Variants in ZNF845 observed in about 807,000 individuals in gnomAD.
ZNF845 encodes the protein zinc finger protein 845.
Under a neutral mutation model 76.1 loss-of-function variants are expected in ZNF845, and 59 were observed. The ratio of observed to expected loss-of-function variants is 0.78; its 90% CI spans 0.63 to 0.96. ZNF845 has a LOEUF of 0.96. ZNF845 is among the 40% of genes least tolerant of loss of function. The pLI, the probability that ZNF845 is intolerant of heterozygous loss-of-function variation, is 0.00. For synonymous variants in ZNF845, 361 were observed against 386.9 expected (o/e 0.93, Z 0.78); for missense variants, 1,045 against 1,172.8 (o/e 0.89, Z 1.59).
chr19:53,335,589 GT>G (rs1347206913), intron 1 of ZNF845, among the ~76,000 whole-genome samples: 1 of 149,758 alleles, frequency 6.7e-6, no homozygotes, highest in Non-Finnish European at 1.5e-5. Flanking sequence ...GTCGTTTTTT[GT>G]TTTTTGTTTT....
At chr19:53,346,901 T>TTTAG (rs1277640591) in intron 3 of ZNF845, among the ~76,000 whole-genome samples, 2 of 151,918 alleles carry the variant, frequency 1.3e-5, no homozygotes, top group Non-Finnish European at 2.9e-5. Context: ...TATTTATTTA[T>TTTAG]TTGACGAAGT....
At chr19:53,346,668 G>C (rs1449812589) in intron 3 of ZNF845, among the ~76,000 whole-genome samples, 1 of 152,136 alleles carries the variant, frequency 6.6e-6, no homozygotes, top group African/African-American at 2.4e-5. Context: ...GAGACAGAGC[G>C]ACACTCTGTC....
At chr19:53,345,734 G>T (rs528655933) in intron 3 of ZNF845, 102 bp downstream of exon 3, 2 of 1,562,202 alleles carry the variant, frequency 1.3e-6, no homozygotes, top group East Asian at 2.2e-5. Flanking sequence ...CCAGGGTGGA[G>T]TGAAATGGTG....
Position 53,351,665 on chromosome 19 carries a change from T to C in ZNF845, c.990T>C (p.Asn330=), listed in dbSNP as rs1252770645. ...IHTGEKSYKC[N]ECGKTFSQTS... ...CTGGAGAGAAATCTTACAAGTGTAA[T>C]GAATGTGGCAAGACCTTCAGTCAAA... The change falls in exon 4 of 4, where the codon AAT becomes AAC. Residue 330 remains asparagine, a synonymous_variant. Transcript: ENST00000458035. 6.2e-7 allele frequency: 1 copy of C among 1,613,932 alleles called. No individual in the cohort carries two copies. Among genetic ancestry groups the C allele is most frequent in the Non-Finnish European group, 8.5e-7 (1 of 1,179,850 alleles).
At position 53,355,991 on chromosome 19, in the gene ZNF845, T is replaced by C. The variant is rs1355106749; in HGVS notation, c.*2403T>C. ...CCCATGAATAGGTAGCACTTGGATG[T>C]TTACAATCCCTTTTTATATCCTCTT... On this transcript the variant is annotated 3_prime_UTR_variant, in exon 4 of 4. Coordinates refer to ENST00000458035, the MANE Select transcript of ZNF845 (RefSeq NM_138374.3). 1 of 152,184 alleles carries C rather than the reference T, an allele frequency of 6.6e-6. No individual in the cohort carries two copies. The highest frequency in any genetic ancestry group is 2.4e-5 in the African/African-American group (1 of 41,446). The allele number at this position is 152,184 out of a possible 1,614,324, so 9.4% of individuals were successfully genotyped here. A position where few individuals can be genotyped will look rare whatever the true frequency, so the allele number is the denominator to read the frequency against.
rs961628929 is a variant in ZNF845 at position 53,355,885 on chromosome 19, A to G, written c.*2297A>G. ...TCTGTGAAATGCTTTTTCTCTATCT[A>G]TTGAGATAATGTGTTTTTTATCTGT... On this transcript the variant is annotated 3_prime_UTR_variant, in exon 4 of 4. Coordinates refer to ENST00000458035, the MANE Select transcript of ZNF845 (RefSeq NM_138374.3). 7.2e-5 allele frequency: 11 copies of G among 152,098 alleles called. No individual in the cohort carries two copies. The highest frequency in any genetic ancestry group is 1.7e-4 in the African/African-American group (7 of 41,420). 9.4% of individuals were successfully genotyped at this position (152,098 alleles called of 1,614,324 possible).
At position 53,352,226 on chromosome 19, in the gene ZNF845, T is replaced by A; in HGVS notation, c.1551T>A (p.His517Gln). 6.2e-7 allele frequency: 1 copy of A among 1,613,790 alleles called. No individual in the cohort carries two copies. Among genetic ancestry groups the A allele is most frequent in the Non-Finnish European group, 8.5e-7 (1 of 1,179,882 alleles). Reference protein sequence around the residue: ...KSNLERHRIIHTGEKLYKCNE... With the variant: ...KSNLERHRIIQTGEKLYKCNE... ...ACCTTGAAAGACATAGGATAATTCA[T>A]ACTGGAGAGAAACTTTACAAGTGTA... The change falls in exon 4 of 4, where the codon CAT (histidine) becomes CAA (glutamine). Residue 517 changes from histidine (H) to glutamine (Q), a missense_variant. His to Gln is a conservative substitution (Grantham distance 24). Coordinates refer to ENST00000458035, the MANE Select transcript of ZNF845 (RefSeq NM_138374.3).
chr19:53,334,207 A>C (rs2085196455), intron 1 of ZNF845, among the ~76,000 whole-genome samples: 1 of 151,944 alleles, frequency 6.6e-6, no homozygotes, highest in African/African-American at 2.4e-5. Flanking sequence ...CACCGCAGTC[A>C]CCGCTTACCC....
intron 1 of ZNF845, among the ~76,000 whole-genome samples, chr19:53,339,654 G>A (rs1377471761): frequency 1.3e-5 from 2 of 152,224 alleles, no homozygotes; most frequent in Admixed American, 6.5e-5. Flanking sequence ...AGTCTGGGCA[G>A]CCAGGAAGCC....
intron 1 of ZNF845, among the ~76,000 whole-genome samples, chr19:53,335,502 C>T (rs981435191): frequency 3.3e-5 from 5 of 152,020 alleles, no homozygotes; most frequent in Admixed American, 6.6e-5. Context: ...CTCAAAGGAT[C>T]GTCCTGCCTT....
Position 53,345,525 on chromosome 19 carries a change from A to T in ZNF845, c.35A>T (p.Asp12Val). The T allele has an allele frequency of 1.2e-6, 2 of 1,613,498 alleles. No homozygotes were observed. Among genetic ancestry groups the T allele is most frequent in the Non-Finnish European group, 1.7e-6 (2 of 1,179,586 alleles). The stretch of plus-strand genomic sequence containing the variant: ...TTTCAGGGTCTATTGACATTCAGGG[A>T]TGTGGCCATAGAATTCTCTCAGGAA... ...ALSQGLLTFR[D>V]VAIEFSQEEW... Residue 12 changes from aspartate to valine, a missense_variant, in exon 3 of 4, where the codon GAT becomes GTT. Transcript: ENST00000458035.
Position 53,352,155 on chromosome 19 carries a change from C to T in ZNF845, c.1480C>T (p.Pro494Ser), listed in dbSNP as rs745923966. Residue 494 changes from proline (P) to serine (S), a missense_variant, in exon 4 of 4, where the codon CCT becomes TCT. Transcript: ENST00000458035. ...YHRRLHTGEK[P>S]YKCEECDEAF... ...TCGTAGACTTCATACTGGAGAGAAA[C>T]CTTACAAATGTGAAGAATGTGATGA... 2 of 1,613,968 alleles carry T rather than the reference C, an allele frequency of 1.2e-6. No individual in the cohort carries two copies. Among genetic ancestry groups the T allele is most frequent in the East Asian group, 2.2e-5 (1 of 44,854 alleles).
chr19:53,345,926 TG>T (rs1240449235), intron 3 of ZNF845, among the ~76,000 whole-genome samples: 2 of 151,952 alleles, frequency 1.3e-5, no homozygotes, highest in Non-Finnish European at 2.9e-5. Context: ...TTGTTGAAGC[TG>T]GTCTTGGTCT....
intron 1 of ZNF845, among the ~76,000 whole-genome samples, chr19:53,339,456 T>C (rs1435666123): frequency 6.6e-6 from 1 of 152,192 alleles, no homozygotes; most frequent in Non-Finnish European, 1.5e-5. Flanking sequence ...TGCCTGTCCT[T>C]GATCCCCTCC....
rs185477239 is a variant in ZNF845, at chr19:53,352,028, A to G, written c.1353A>G (p.Lys451=). The part of the protein sequence containing the change: ...CEECDEAFSF[K]SNLERHRRIH... Reference sequence around the variant, plus strand: ...AATGTGATGAAGCTTTCAGTTTCAAATCGAACCTTGAAAGACATAGGAGAA... The same window carrying G: ...AATGTGATGAAGCTTTCAGTTTCAAGTCGAACCTTGAAAGACATAGGAGAA... The change falls in exon 4 of 4, where the codon AAA becomes AAG. Residue 451 remains lysine, a synonymous_variant. Transcript: ENST00000458035. The G allele has an allele frequency of 2.5e-4, 401 of 1,613,590 alleles. 5 individuals are homozygous for G. The African/African-American group carries it at 4.9e-3, about 20-fold the overall frequency.
chr19:53,352,477 A>T lies in ZNF845; in HGVS notation c.1802A>T (p.His601Leu). 2 of 1,613,306 alleles carry T rather than the reference A, an allele frequency of 1.2e-6. No individual in the cohort carries two copies. The highest frequency in any genetic ancestry group is 2.2e-5 in the South Asian group (2 of 91,010). ...ACCATTGCAAATCATTGGAGAATCC[A>T]TAATGAAGAGAGATCGTACAAGTGT... The part of the protein sequence containing the change: ...ATTIANHWRI[H>L]NEERSYKCNR... Residue 601 changes from histidine to leucine, a missense_variant, in exon 4 of 4, where the codon CAT becomes CTT. Physicochemically the swap from His to Leu is moderately conservative, Grantham distance 99. Transcript: ENST00000458035.
chr19:53,352,333 G>T lies in ZNF845; in HGVS notation c.1658G>T (p.Cys553Phe). 5.6e-6 allele frequency: 9 copies of T among 1,613,942 alleles called. No individual in the cohort carries two copies. Among genetic ancestry groups the T allele is most frequent in the Middle Eastern group, 1.7e-4 (1 of 6,058 alleles). The change falls in exon 4 of 4, where the codon TGT (cysteine) becomes TTT (phenylalanine). Residue 553 changes from cysteine (C) to phenylalanine (F), a missense_variant. Physicochemically the swap from Cys to Phe is radical, Grantham distance 205. Transcript: ENST00000458035. ...CATACTGGAGAGAAACCTTACCAGT[G>T]TAATGAGTGTGGCAAAGCCTTTCGT... Reference protein sequence around the residue: ...RLHTGEKPYQCNECGKAFRGQ... With the variant: ...RLHTGEKPYQFNECGKAFRGQ...
At chr19:53,349,326 G>A (rs940271573) in intron 3 of ZNF845, among the ~76,000 whole-genome samples, 7 of 151,594 alleles carry the variant, frequency 4.6e-5, no homozygotes, top group Non-Finnish European at 7.4e-5. Context: ...ACAGAGTGGC[G>A]CGATCTCGGC....
intron 1 of ZNF845, among the ~76,000 whole-genome samples, chr19:53,339,645 G>A (rs1175414016): frequency 6.6e-6 from 1 of 152,216 alleles, no homozygotes; most frequent in African/African-American, 2.4e-5. Context: ...TTCATTGAGA[G>A]TCTGGGCAGC....
Sources: allele counts gnomAD v4.1 joint callset (sites outside exome capture counted in the v4.1 genomes callset), GRCh38; gene constraint gnomAD v4.1.1; transcripts MANE v1.5; gene names NCBI Gene and HGNC (gene_info 2026-07-23, HGNC 2026-07-21).